The following RASEF variants were observed in gnomAD, a reference collection of about 807,000 sequenced individuals.
RASEF encodes RAS and EF-hand domain containing.
RASEF carries 68 observed loss-of-function variants against 90.1 expected under a neutral mutation model. The ratio of observed to expected loss-of-function variants is 0.75; its 90% CI spans 0.62 to 0.92. RASEF has a LOEUF of 0.92. RASEF is among the 40% of genes least tolerant of loss of function. The probability of loss-of-function intolerance (pLI) is 0.00; values close to 1 mark genes in which losing one functional copy is unlikely to be tolerated. For missense variants in RASEF, 949 were observed against 937.2 expected (o/e 1.01, Z -0.16); for synonymous variants, 331 against 345.2 (o/e 0.96, Z 0.46).
intron 1 of RASEF, among the ~76,000 whole-genome samples, chr9:83,034,889 A>G (rs908756944): frequency 6.6e-6 from 1 of 152,218 alleles, no homozygotes; most frequent in African/African-American, 2.4e-5. Context: ...TGTGAGGTAC[A>G]GTGCATGGTA....
chr9:83,089,718 C>T, the RASEF span, among the ~76,000 whole-genome samples: 3 of 152,110 alleles, frequency 2.0e-5, no homozygotes, highest in African/African-American at 7.2e-5. Flanking sequence ...CTTTGAGTAT[C>T]AAGAGTTGAT....
chr9:82,994,631 C>A (rs1305951728), intron 14 of RASEF, among the ~76,000 whole-genome samples: 1 of 152,180 alleles, frequency 6.6e-6, no homozygotes, highest in African/African-American at 2.4e-5. Flanking sequence ...GACTACTACA[C>A]AGGAACCGGG....
At chr9:83,144,197 G>A in the RASEF span, among the ~76,000 whole-genome samples, 1 of 151,466 alleles carries the variant, frequency 6.6e-6, no homozygotes, top group African/African-American at 2.4e-5. Flanking sequence ...AGGGAGGCAC[G>A]GGGTTGTAGC....
At chr9:83,067,591 G>T (rs930127540), upstream of RASEF, among the ~76,000 whole-genome samples, 5 of 152,138 alleles carry the variant, frequency 3.3e-5, no homozygotes, top group Admixed American at 6.5e-5. Flanking sequence ...TAGCATTGTT[G>T]TGTATGTGTT....
At chr9:83,006,459 GAACTCTAC>G (rs1564074742) in intron 7 of RASEF, among the ~76,000 whole-genome samples, 2 of 151,632 alleles carry the variant, frequency 1.3e-5, no homozygotes, top group Non-Finnish European at 2.9e-5. Context: ...TGAAATACAT[GAACTCTAC>G]AACTGCCACA....
chr9:83,198,348 G>A, the RASEF span, among the ~76,000 whole-genome samples: 64 of 152,214 alleles, frequency 4.2e-4, no homozygotes, highest in Middle Eastern at 3.4e-3. Flanking sequence ...TCTCTTTACT[G>A]TCTAAAAACT....
chr9:82,998,734 T>A (rs1370300019), intron 12 of RASEF, among the ~76,000 whole-genome samples: 1 of 151,412 alleles, frequency 6.6e-6, no homozygotes, highest in African/African-American at 2.4e-5. Flanking sequence ...AACTCAGTCA[T>A]ATTTGTGTGT....
the RASEF span, among the ~76,000 whole-genome samples, chr9:83,088,293 C>G: frequency 3.5e-3 from 525 of 151,692 alleles, 2 homozygotes; most frequent in Non-Finnish European, 4.9e-3. Flanking sequence ...ACATAGGTAT[C>G]TCTCTCTATA....
At chr9:83,028,106 T>A (rs1829579680) in intron 1 of RASEF, among the ~76,000 whole-genome samples, 1 of 152,226 alleles carries the variant, frequency 6.6e-6, no homozygotes, top group African/African-American at 2.4e-5. Flanking sequence ...GATGATAACT[T>A]ACCATAATAC....
the RASEF span, among the ~76,000 whole-genome samples, chr9:83,213,250 A>G: frequency 6.6e-6 from 1 of 152,036 alleles, no homozygotes; most frequent in Non-Finnish European, 1.5e-5. Flanking sequence ...AAATCCAAAA[A>G]TTAGAGGGGC....
the RASEF span, among the ~76,000 whole-genome samples, chr9:83,091,437 C>T: frequency 1.3e-5 from 2 of 152,124 alleles, no homozygotes; most frequent in African/African-American, 4.8e-5. Flanking sequence ...CACATGTAGT[C>T]CCAGCTATTC....
the RASEF span, among the ~76,000 whole-genome samples, chr9:83,117,076 G>A: frequency 6.6e-6 from 1 of 151,882 alleles, no homozygotes; most frequent in African/African-American, 2.4e-5. Flanking sequence ...ATTGAAGTAA[G>A]GACAATTCAA....
the RASEF span, among the ~76,000 whole-genome samples, chr9:83,087,367 G>C: frequency 6.8e-6 from 1 of 147,462 alleles, no homozygotes; most frequent in Non-Finnish European, 1.5e-5. Context: ...TATCAGAAGA[G>C]ACACCAGAGA....
At chr9:83,102,173 T>A in the RASEF span, among the ~76,000 whole-genome samples, 2 of 152,036 alleles carry the variant, frequency 1.3e-5, no homozygotes, top group Non-Finnish European at 2.9e-5. Context: ...CGCCTGTGGG[T>A]TCAAGAGATT....
chr9:83,183,936 TCAGATGGC>T, the RASEF span, among the ~76,000 whole-genome samples: 1 of 152,156 alleles, frequency 6.6e-6, no homozygotes, highest in Non-Finnish European at 1.5e-5. Context: ...TTGTTAAAAC[TCAGATGGC>T]CAGGCCCCAT....
chr9:83,096,607 G>T, the RASEF span, among the ~76,000 whole-genome samples: 3 of 152,006 alleles, frequency 2.0e-5, no homozygotes, highest in Non-Finnish European at 2.9e-5. Context: ...CACCTACAGG[G>T]GGAAACAAGG....
In RASEF at chr9:83,017,278, G is replaced by C. The variant is rs139058738; in HGVS notation, c.670-1378C>G. Among the ~76,000 whole-genome samples the C allele has an allele frequency of 1.4e-3, 209 of 149,744 alleles. 1 individual carries two copies. The highest frequency in any genetic ancestry group is 5.0e-3 in the African/African-American group (203 of 40,606). On this transcript the variant is annotated intron_variant, in intron 3 of 16. Transcript: ENST00000376447. ...AGGCGGGTGGATCACGAGGTCAGGAGACTGAGACCATCCTGGCTAACACGG... is the reference window on the plus strand; with the variant it reads ...AGGCGGGTGGATCACGAGGTCAGGACACTGAGACCATCCTGGCTAACACGG...
chr9:83,039,197 G>C (rs7470760), intron 1 of RASEF, among the ~76,000 whole-genome samples: 3,526 of 152,116 alleles, frequency 0.023, 129 homozygotes, highest in African/African-American at 0.08. Flanking sequence ...AGTCACCTCT[G>C]AAAGTCGGCC....
chr9:83,152,962 A>G, the RASEF span, among the ~76,000 whole-genome samples: 1 of 152,214 alleles, frequency 6.6e-6, no homozygotes, highest in Non-Finnish European at 1.5e-5. Context: ...ATATCATTGG[A>G]GAACTTTGTA....
Sources: allele counts gnomAD v4.1 joint callset (sites outside exome capture counted in the v4.1 genomes callset), GRCh38; gene constraint gnomAD v4.1.1; transcripts MANE v1.5; gene names NCBI Gene and HGNC (gene_info 2026-07-23, HGNC 2026-07-21).